RGS6: variants seen among roughly 807,000 people sequenced by gnomAD.
RGS6 encodes regulator of G-protein signaling 6.
A neutral mutation model predicts 78.5 loss-of-function variants in RGS6; 30 were observed. The observed-to-expected ratio is 0.38, with a 90% CI of 0.29 to 0.52. RGS6 has a LOEUF of 0.52. Ranked by LOEUF, RGS6 falls within the 20% of genes least tolerant of loss-of-function variation. The pLI is 0.85. For missense variants in RGS6, 495 were observed against 609.7 expected (o/e 0.81, Z 1.98); for synonymous variants, 206 against 206.0 (o/e 1.00, Z 0.00).
the RGS6 span, among the ~76,000 whole-genome samples, chr14:71,917,257 G>T: frequency 6.6e-6 from 1 of 152,128 alleles, no homozygotes; most frequent in African/African-American, 2.4e-5. Context: ...TGGGGTGACG[G>T]TATATGGGTC....
At chr14:72,147,208 C>T (rs570317560) in intron 2 of RGS6, among the ~76,000 whole-genome samples, 1 of 152,234 alleles carries the variant, frequency 6.6e-6, no homozygotes, top group Non-Finnish European at 1.5e-5. Context: ...AAATCTTGCT[C>T]CTCCAAATTC....
chr14:72,393,161 A>C (rs1417875712), intron 3 of RGS6, among the ~76,000 whole-genome samples: 1 of 152,172 alleles, frequency 6.6e-6, no homozygotes, highest in Non-Finnish European at 1.5e-5. Flanking sequence ...GAGGATTTCC[A>C]AGCCACCCCT....
intron 2 of RGS6, among the ~76,000 whole-genome samples, chr14:72,029,885 AG>A (rs1384271134): frequency 2.8e-4 from 42 of 152,356 alleles, no homozygotes; most frequent in African/African-American, 9.9e-4. Context: ...TTTAATAAGT[AG>A]TGATGGAATT....
At chr14:72,572,288 C>T in the RGS6 span, among the ~76,000 whole-genome samples, 1 of 152,146 alleles carries the variant, frequency 6.6e-6, no homozygotes, top group Non-Finnish European at 1.5e-5. Context: ...CAATTCCATT[C>T]ATAGGTATAT....
chr14:72,383,310 T>G (rs1301066832), intron 3 of RGS6, among the ~76,000 whole-genome samples: 3 of 151,210 alleles, frequency 2.0e-5, no homozygotes, highest in Admixed American at 6.6e-5. Context: ...TGGGACTAAA[T>G]GAACACATTT....
intron 12 of RGS6, among the ~76,000 whole-genome samples, chr14:72,480,616 G>C (rs1566948825): frequency 6.6e-6 from 1 of 152,184 alleles, no homozygotes; most frequent in Non-Finnish European, 1.5e-5. Flanking sequence ...GAGGAGGAGG[G>C]AAAGGAGACG....
the RGS6 span, among the ~76,000 whole-genome samples, chr14:72,584,571 G>A: frequency 6.6e-6 from 1 of 152,190 alleles, no homozygotes; most frequent in African/African-American, 2.4e-5. Flanking sequence ...CCAGTGAAAA[G>A]GCCCAAGGTG....
At chr14:72,492,324 G>A (rs1338871463) in intron 12 of RGS6, among the ~76,000 whole-genome samples, 1 of 152,146 alleles carries the variant, frequency 6.6e-6, no homozygotes, top group Admixed American at 6.5e-5. Context: ...GTGATCTACT[G>A]GTAACAGACT....
At chr14:72,604,007 A>G in the RGS6 span, among the ~76,000 whole-genome samples, 1 of 152,182 alleles carries the variant, frequency 6.6e-6, no homozygotes, top group African/African-American at 2.4e-5. Context: ...AGTATAGTTT[A>G]ACAGGATCCA....
the RGS6 span, among the ~76,000 whole-genome samples, chr14:72,612,930 C>A: frequency 6.6e-6 from 1 of 151,858 alleles, no homozygotes; most frequent in Non-Finnish European, 1.5e-5. Flanking sequence ...TGCCTGGCAG[C>A]CCCTGGCTCT....
intron 2 of RGS6, among the ~76,000 whole-genome samples, chr14:72,283,923 T>G (rs2062019505): frequency 6.6e-6 from 1 of 152,152 alleles, no homozygotes; most frequent in Non-Finnish European, 1.5e-5. Context: ...AAGTCCAGAT[T>G]GAGGTGTTCT....
intron 2 of RGS6, among the ~76,000 whole-genome samples, chr14:71,997,580 T>C (rs1190521819): frequency 6.6e-6 from 1 of 152,138 alleles, no homozygotes; most frequent in Non-Finnish European, 1.5e-5. Flanking sequence ...CCTTGGTGCA[T>C]ATGGTTAATG....
intron 2 of RGS6, among the ~76,000 whole-genome samples, chr14:72,110,241 C>G (rs1386088916): frequency 6.6e-6 from 1 of 152,196 alleles, no homozygotes; most frequent in Non-Finnish European, 1.5e-5. Context: ...CTCTAGTTTA[C>G]AGAGGAAGAG....
chr14:72,074,788 G>T (rs932284879), intron 2 of RGS6, among the ~76,000 whole-genome samples: 21 of 152,098 alleles, frequency 1.4e-4, no homozygotes, highest in African/African-American at 3.9e-4. Flanking sequence ...AAGTGGGCAA[G>T]TAAGACAGTC....
At chr14:72,094,089 T>C (rs548283850) in intron 2 of RGS6, among the ~76,000 whole-genome samples, 1 of 152,346 alleles carries the variant, frequency 6.6e-6, no homozygotes, top group South Asian at 2.1e-4. Context: ...TTAATGTTTC[T>C]TGTATCATAA....
At chr14:72,516,116 C>T (rs1272954365) in intron 14 of RGS6, among the ~76,000 whole-genome samples, 1 of 152,246 alleles carries the variant, frequency 6.6e-6, no homozygotes, top group East Asian at 1.9e-4. Context: ...CCCTTCTGGG[C>T]CTTGGAAAAG....
intron 2 of RGS6, among the ~76,000 whole-genome samples, chr14:72,026,900 G>A (rs2089978454): frequency 6.6e-6 from 1 of 152,192 alleles, no homozygotes; most frequent in Non-Finnish European, 1.5e-5. Context: ...AGGTGCTAGG[G>A]GGGGCTACTT....
intron 2 of RGS6, among the ~76,000 whole-genome samples, chr14:72,052,983 T>TTCTC (rs372866325): frequency 1.3e-4 from 11 of 85,580 alleles, no homozygotes; most frequent in Non-Finnish European, 2.3e-4. Flanking sequence ...CTTTCTTTCT[T>TTCTC]TCTCTCTCTC....
chr14:72,345,342 T>G (rs8016367), intron 2 of RGS6, among the ~76,000 whole-genome samples: 11,713 of 152,218 alleles, frequency 0.077, 1,480 homozygotes, highest in African/African-American at 0.27. Flanking sequence ...GAGATTGGAT[T>G]TTTTTGTTGT....
Sources: gnomAD v4.1 joint callset for allele counts (sites outside exome capture counted in the v4.1 genomes callset) on GRCh38, gnomAD v4.1.1 for gene constraint, MANE v1.5 for transcripts, NCBI Gene and HGNC (gene_info 2026-07-23, HGNC 2026-07-21) for gene names.